SLC22A16: variants seen among roughly 807,000 people sequenced by gnomAD.
SLC22A16 encodes the protein WUGSC:RG331P03.1.
Under a neutral mutation model 52.9 loss-of-function variants are expected in SLC22A16, and 53 were observed. That is an observed-to-expected ratio of 1.00 (90% CI 0.80 to 1.26). The LOEUF is 1.26. Ranked by LOEUF, SLC22A16 falls within the 50% of genes most tolerant of loss-of-function variation. SLC22A16 has a pLI of 0.00. For synonymous variants in SLC22A16, 291 were observed against 268.8 expected (o/e 1.08, Z -0.81); for missense variants, 726 against 704.0 (o/e 1.03, Z -0.35).
intron 1 of SLC22A16, among the ~76,000 whole-genome samples, chr6:110,466,654 G>A (rs9487420): frequency 0.066 from 10,111 of 152,092 alleles, 538 homozygotes; most frequent in East Asian, 0.29. Flanking sequence ...GGAGAAAAGG[G>A]AACATTTATA....
At chr6:110,425,791 A>C (rs1774236367) in intron 7 of SLC22A16, among the ~76,000 whole-genome samples, 1 of 152,270 alleles carries the variant, frequency 6.6e-6, no homozygotes, top group South Asian at 2.1e-4. Context: ...TAAAGTCTGC[A>C]TATCTATTCT....
At chr6:110,476,348 A>T in intron 1 of SLC22A16, 174 bp downstream of exon 1, 1 of 1,382,326 alleles carries the variant, frequency 7.2e-7, no homozygotes, top group Non-Finnish European at 9.3e-7. Flanking sequence ...GGCCTAGAGG[A>T]GAAGCCCAGC....
In SLC22A16 at chr6:110,431,238, C is replaced by T; in HGVS notation, c.1454G>A (p.Cys485Tyr). The T allele has an allele frequency of 1.2e-6, 2 of 1,613,264 alleles. No homozygotes were observed. The highest frequency in any genetic ancestry group is 2.2e-5 in the East Asian group (1 of 44,870). ...SLAVGSGSMV[C>Y]RLASILAPFS... Reference sequence around the variant, plus strand: ...CGGCGCCAGGATGCTGGCCAGGCGACACACCATGCTGCCGCTTCCCACAGC... The same window carrying T: ...CGGCGCCAGGATGCTGGCCAGGCGATACACCATGCTGCCGCTTCCCACAGC... The change falls in exon 7 of 8, where the codon TGT (cysteine) becomes TAT (tyrosine). Residue 485 changes from cysteine to tyrosine, a missense_variant. Physicochemically the swap from Cys to Tyr is radical, Grantham distance 194. Coordinates refer to ENST00000368919, the MANE Select transcript of SLC22A16 (RefSeq NM_033125.4).
rs1401549269 is a variant in SLC22A16 at position 110,442,336 on chromosome 6, A to T, written c.1091T>A (p.Leu364Gln). The change falls in exon 4 of 8, where the codon CTA becomes CAA. Residue 364 changes from leucine (L) to glutamine (Q), a missense_variant. Transcript: ENST00000368919. ...SITKRTLTVW[L>Q]IWFTGSLGFY... Reference sequence around the variant, plus strand: ...TCCCAAACTTCCAGTGAACCAGATTAGCCAAACGGTAAGTGTCCTTTTCGT... The same window carrying T: ...TCCCAAACTTCCAGTGAACCAGATTTGCCAAACGGTAAGTGTCCTTTTCGT... 8.1e-6 allele frequency: 13 copies of T among 1,614,126 alleles called. No individual in the cohort carries two copies. In the Admixed American group the frequency reaches 1.7e-4, roughly 21 times the overall value.
rs1206223830 is a variant in SLC22A16 at position 110,446,542 on chromosome 6, C to T, written c.651+331G>A. On this transcript the variant is annotated intron_variant, in intron 3 of 7. Coordinates refer to ENST00000368919, the MANE Select transcript of SLC22A16 (RefSeq NM_033125.4). ...TATACAAGTGACTTTAACCACACAC[C>T]TCAACTGTCTGTTTGCTCATGTGAA... Among the ~76,000 whole-genome samples, 3 of 152,140 alleles carry T rather than the reference C, an allele frequency of 2.0e-5. No homozygotes were observed. In the East Asian group the frequency reaches 5.8e-4, roughly 29 times the overall value.
At chr6:110,476,243 G>A (rs1383931505) in intron 1 of SLC22A16, 2 of 894,840 alleles carry the variant, frequency 2.2e-6, no homozygotes, top group South Asian at 1.9e-5. Context: ...ATCTGCTGCC[G>A]CGGAGAGCAC....
chr6:110,452,017 G>A (rs943929395), intron 2 of SLC22A16, among the ~76,000 whole-genome samples: 5 of 152,224 alleles, frequency 3.3e-5, no homozygotes, highest in Admixed American at 2.0e-4. Context: ...CTTAATGATT[G>A]ATCCTTTTCC....
intron 5 of SLC22A16, among the ~76,000 whole-genome samples, chr6:110,438,411 G>A (rs1381319510): frequency 3.3e-5 from 5 of 151,910 alleles, no homozygotes; most frequent in Non-Finnish European, 5.9e-5. Context: ...CTGCAGCCTC[G>A]AACTCCTGAA....
intron 1 of SLC22A16, chr6:110,474,864 C>A: frequency 2.0e-6 from 1 of 509,782 alleles, no homozygotes; most frequent in South Asian, 1.4e-5. Flanking sequence ...AGTCAAACAC[C>A]AACTAATATA....
In SLC22A16 at chr6:110,431,845, G is replaced by C. The variant is rs545722396; in HGVS notation, c.1422-575C>G. 2.0e-5 allele frequency among the ~76,000 whole-genome samples: 3 copies of C among 152,324 alleles called. 1 individual carries two copies. The South Asian group carries it at 6.2e-4, about 32-fold the overall frequency. ...ATGACAAAAAAGAGGTAGGAGTGTG[G>C]AGGTAAGCCATTCTTCATCTGCTGT... is the stretch of plus-strand genomic sequence containing the variant. On this transcript the variant is annotated intron_variant, in intron 6 of 7. Transcript: ENST00000368919.
intron 1 of SLC22A16, among the ~76,000 whole-genome samples, chr6:110,458,605 G>A (rs1393987198): frequency 2.6e-5 from 4 of 152,248 alleles, no homozygotes; most frequent in African/African-American, 7.2e-5. Flanking sequence ...AGCCCAGATA[G>A]CTGGCAAAAC....
At chr6:110,475,359 A>T (rs1217275813) in intron 1 of SLC22A16, among the ~76,000 whole-genome samples, 1 of 152,178 alleles carries the variant, frequency 6.6e-6, no homozygotes, top group African/African-American at 2.4e-5. Flanking sequence ...AAAGAGGGTG[A>T]TACTACCAAC....
intron 1 of SLC22A16, among the ~76,000 whole-genome samples, chr6:110,463,253 AG>A (rs1562298414): frequency 6.6e-6 from 1 of 152,124 alleles, no homozygotes; most frequent in Non-Finnish European, 1.5e-5. Context: ...AAACTCTGAC[AG>A]GAACAAAACC....
intron 3 of SLC22A16, among the ~76,000 whole-genome samples, chr6:110,445,420 T>C (rs73764918): frequency 0.012 from 1,792 of 152,304 alleles, 38 homozygotes; most frequent in African/African-American, 0.041. Flanking sequence ...TGAAGATGGC[T>C]GATCAACGTC....
At chr6:110,460,965 A>G (rs1160563904) in intron 1 of SLC22A16, among the ~76,000 whole-genome samples, 1 of 152,196 alleles carries the variant, frequency 6.6e-6, no homozygotes, top group African/African-American at 2.4e-5. Flanking sequence ...GGGAAGGGAC[A>G]TGGAGAGGGG....
At chr6:110,440,760 G>A (rs1434391661) in intron 4 of SLC22A16, among the ~76,000 whole-genome samples, 1 of 152,140 alleles carries the variant, frequency 6.6e-6, no homozygotes, top group African/African-American at 2.4e-5. Flanking sequence ...CTGGGCAACA[G>A]AGCAAGACTC....
intron 5 of SLC22A16, among the ~76,000 whole-genome samples, chr6:110,437,336 C>T (rs1774775078): frequency 6.6e-6 from 1 of 150,686 alleles, no homozygotes; most frequent in Non-Finnish European, 1.5e-5. Context: ...TTCTGGTGTT[C>T]CCCAACTCTT....
In SLC22A16 at chr6:110,456,328, G is replaced by A. The variant is rs1036062439; in HGVS notation, c.533+210C>T. On this transcript the variant is annotated intron_variant, in intron 2 of 7. Transcript: ENST00000368919. ...TGCCTGGGGTCCACAGTTAATAAGT[G>A]GTAGAACCAGGATTTGGATCTAGGT... is the stretch of plus-strand genomic sequence containing the variant. 8 of 642,098 alleles carry A rather than the reference G, an allele frequency of 1.2e-5. No individual in the cohort carries two copies. The African/African-American group carries it at 1.5e-4, about 12-fold the overall frequency. The allele number at this position is 642,098 out of a possible 1,614,324, so 39.8% of individuals were successfully genotyped here.
At chr6:110,463,514 TA>T (rs386408237) in intron 1 of SLC22A16, among the ~76,000 whole-genome samples, 1,908 of 53,186 alleles carry the variant, frequency 0.036, 37 homozygotes, top group African/African-American at 0.097. Context: ...GTAACAACAG[TA>T]AAAAAAAAAA....
Sources: gnomAD v4.1 joint callset for allele counts (sites outside exome capture counted in the v4.1 genomes callset) on GRCh38, gnomAD v4.1.1 for gene constraint, MANE v1.5 for transcripts, NCBI Gene and HGNC (gene_info 2026-07-23, HGNC 2026-07-21) for gene names.